PPP2R5A: variants seen among roughly 807,000 people sequenced by gnomAD.
PPP2R5A encodes serine/threonine-protein phosphatase 2A 56 kDa regulatory subunit alpha isoform.
A neutral mutation model predicts 64.2 loss-of-function variants in PPP2R5A; 25 were observed. That is an observed-to-expected ratio of 0.39 (90% confidence interval 0.28 to 0.54). PPP2R5A has a LOEUF of 0.54. Among genes scored for constraint, PPP2R5A ranks in the 20% least tolerant of loss-of-function variants. The pLI, the probability that PPP2R5A is intolerant of heterozygous loss-of-function variation, is 0.67. For missense variants in PPP2R5A, 425 were observed against 576.3 expected, an observed-to-expected ratio of 0.74 and a Z score of 2.69; for synonymous variants, 198 against 201.2, an observed-to-expected ratio of 0.98 and a Z score of 0.13.
rs1658474258 is a variant in PPP2R5A, at chr1:212,285,453, GC to G, written c.-656del. 1 of 152,512 alleles carries G rather than the reference GC, an allele frequency of 6.6e-6. No individual in the cohort carries two copies. The highest frequency in any genetic ancestry group is 1.5e-5 in the Non-Finnish European group (1 of 68,302). The allele number at this position is 152,512 out of a possible 1,614,324, so 9.4% of individuals were successfully genotyped here. The stretch of plus-strand genomic sequence containing the variant: ...CCTTCTCAAGTTGTAGCGGTCGCTC[GC>G]CTGGGGTTCTCCGTGGGCGGCCGAC... On this transcript the variant is annotated 5_prime_UTR_variant, in exon 1 of 13. Transcript: ENST00000261461.
chr1:212,321,032 A>C (rs1171166832), intron 1 of PPP2R5A, among the ~76,000 whole-genome samples: 1 of 42,244 alleles, frequency 2.4e-5, no homozygotes, highest in African/African-American at 1.2e-4. Flanking sequence ...GGCGCCCCTC[A>C]CCTCCCGGAC....
chr1:212,297,825 C>CTTTTTTTTTTTTTTTT (rs1368421837), intron 1 of PPP2R5A: 5 of 22,116 alleles, frequency 2.3e-4, no homozygotes, highest in Non-Finnish European at 7.6e-5. Context: ...TTTTTTTTTT[C>CTTTTTTTTTTTTTTTT]TTTTTTATTT....
rs1386773347 is a variant in PPP2R5A at position 212,345,932 on chromosome 1, A to T, written c.703A>T (p.Arg235Trp). Residue 235 changes from arginine to tryptophan, a missense_variant and splice_region_variant, in exon 5 of 13, where the codon AGG becomes TGG. This residue lies in a region of PPP2R5A where 140 missense variants were observed against 204.4 expected (regional missense o/e 0.68). Transcript: ENST00000261461. Reference sequence around the variant, plus strand: ...AAAACAAATTAACAACATTTTCCTCAGGTAAATTAATCATTTATTGTATAT... The same window carrying T: ...AAAACAAATTAACAACATTTTCCTCTGGTAAATTAATCATTTATTGTATAT... Reference protein sequence around the residue: ...IRKQINNIFLRFIYETEHFNG... With the variant: ...IRKQINNIFLWFIYETEHFNG... 2 of 1,587,944 alleles carry T rather than the reference A, an allele frequency of 1.3e-6. No individual in the cohort carries two copies. The highest frequency in any genetic ancestry group is 3.7e-5 in the Admixed American group (2 of 54,152).
chr1:212,327,345 G>T (rs1312700941), intron 1 of PPP2R5A, among the ~76,000 whole-genome samples: 1 of 152,162 alleles, frequency 6.6e-6, no homozygotes, highest in Admixed American at 6.6e-5. Context: ...AGAAACAAAA[G>T]GATTTAACAT....
chr1:212,309,803 A>C (rs1432351803), intron 1 of PPP2R5A, among the ~76,000 whole-genome samples: 2 of 152,112 alleles, frequency 1.3e-5, no homozygotes, highest in African/African-American at 4.8e-5. Flanking sequence ...ACTAACACTA[A>C]CGATAGCTGA....
At position 212,286,308 on chromosome 1, in the gene PPP2R5A, C is replaced by A; in HGVS notation, c.181+17C>A. ...AGCTCAAAGGTAACCTCCGAGGGCG[C>A]AGCCCCAGCAGCGAGCGCAGGGGCT... On this transcript the variant is annotated intron_variant, in intron 1 of 12. Transcript: ENST00000261461. The A allele has an allele frequency of 6.8e-7, 1 of 1,470,598 alleles. No individual in the cohort carries two copies. Among genetic ancestry groups the A allele is most frequent in the South Asian group, 1.3e-5 (1 of 78,232 alleles). The allele number at this position is 1,470,598 out of a possible 1,614,324, so 91.1% of individuals were successfully genotyped here. A position where few individuals can be genotyped will look rare whatever the true frequency, so the allele number is the denominator to read the frequency against.
At chr1:212,342,477 A>T (rs773984532) in intron 4 of PPP2R5A, among the ~76,000 whole-genome samples, 197 bp downstream of exon 4, 23 of 152,220 alleles carry the variant, frequency 1.5e-4, no homozygotes, top group Non-Finnish European at 8.8e-5. Context: ...TGAGAGTCTA[A>T]TGAAGTCAAT....
At chr1:212,341,058 C>G (rs1008979441) in intron 3 of PPP2R5A, among the ~76,000 whole-genome samples, 11 of 152,014 alleles carry the variant, frequency 7.2e-5, no homozygotes, top group African/African-American at 2.7e-4. Flanking sequence ...TAATAAGATA[C>G]ATTTTGGGCT....
intron 1 of PPP2R5A, among the ~76,000 whole-genome samples, chr1:212,301,246 A>G: frequency 6.6e-6 from 1 of 152,210 alleles, no homozygotes; most frequent in Non-Finnish European, 1.5e-5. Context: ...CCTGGCCTCA[A>G]GTGATCTGCC....
At chr1:212,322,977 G>C (rs879770928) in intron 1 of PPP2R5A, among the ~76,000 whole-genome samples, 1 of 152,024 alleles carries the variant, frequency 6.6e-6, no homozygotes, top group East Asian at 1.9e-4. Context: ...TAGTAGAGAC[G>C]GTGTTTCACC....
rs1312821758 is a variant in PPP2R5A at position 212,286,074 on chromosome 1, G to A, written c.-37G>A. 2.0e-6 allele frequency: 3 copies of A among 1,502,204 alleles called. No individual in the cohort carries two copies. The Admixed American group carries it at 6.3e-5, about 32-fold the overall frequency. The allele number at this position is 1,502,204 out of a possible 1,614,324, so 93.1% of individuals were successfully genotyped here. A position where few individuals can be genotyped will look rare whatever the true frequency, so the allele number is the denominator to read the frequency against. Reference sequence around the variant, plus strand: ...CTCCGCCGCTGCCCGTGCCTTGCAAGCAGCAGCCGGAGCTGCCAAGCGTCA... The same window carrying A: ...CTCCGCCGCTGCCCGTGCCTTGCAAACAGCAGCCGGAGCTGCCAAGCGTCA... On this transcript the variant is annotated 5_prime_UTR_variant, in exon 1 of 13. Transcript: ENST00000261461.
intron 3 of PPP2R5A, among the ~76,000 whole-genome samples, chr1:212,334,437 GATGTGTGACACT>G (rs1469731300): frequency 6.6e-6 from 1 of 152,076 alleles, no homozygotes; most frequent in Non-Finnish European, 1.5e-5. Flanking sequence ...TGCAACTACA[GATGTGTGACACT>G]ACACCTGCTA....
At chr1:212,297,235 C>T (rs1658714478) in intron 1 of PPP2R5A, among the ~76,000 whole-genome samples, 1 of 150,754 alleles carries the variant, frequency 6.6e-6, no homozygotes, top group Admixed American at 6.6e-5. Flanking sequence ...GATTCTCCTG[C>T]CTCAGCCTCC....
At chr1:212,357,532 G>A (rs368705765) in intron 11 of PPP2R5A, 21 of 231,310 alleles carry the variant, frequency 9.1e-5, no homozygotes, top group Non-Finnish European at 1.4e-4. Flanking sequence ...AGCCGGGCGC[G>A]GTGGCTCACG....
intron 1 of PPP2R5A, chr1:212,309,016 T>G (rs187493602): frequency 3.5e-6 from 2 of 577,486 alleles, no homozygotes; most frequent in African/African-American, 1.9e-5. Context: ...GGTGAAAAGA[T>G]ATATATATAT....
chr1:212,288,379 T>G (rs552915651), intron 1 of PPP2R5A, among the ~76,000 whole-genome samples: 1 of 152,200 alleles, frequency 6.6e-6, no homozygotes, highest in Admixed American at 6.5e-5. Flanking sequence ...AGTTATATGA[T>G]GTAGGGTTCA....
intron 5 of PPP2R5A, among the ~76,000 whole-genome samples, chr1:212,346,649 G>C (rs970722268): frequency 6.6e-6 from 1 of 152,146 alleles, no homozygotes; most frequent in Admixed American, 6.5e-5. Flanking sequence ...AGGGCCAAGT[G>C]TACTTTATAA....
intron 3 of PPP2R5A, 50 bp downstream of exon 3, chr1:212,333,648 C>T: frequency 1.9e-6 from 2 of 1,075,802 alleles, no homozygotes; most frequent in East Asian, 2.7e-5. Flanking sequence ...TGCTATTCTG[C>T]AGAAATCATG....
At chr1:212,302,054 A>G (rs768421101) in intron 1 of PPP2R5A, 10 of 1,528,704 alleles carry the variant, frequency 6.5e-6, no homozygotes, top group Non-Finnish European at 8.8e-6. Flanking sequence ...CACTGATTTA[A>G]TGAAGAAGGG....
Sources: allele counts gnomAD v4.1 joint callset (sites outside exome capture counted in the v4.1 genomes callset), GRCh38; gene constraint gnomAD v4.1.1; regional missense constraint gnomAD v4.1.1; transcripts MANE v1.5; gene names NCBI Gene and HGNC (gene_info 2026-07-23, HGNC 2026-07-21).